TNS3: variants seen among roughly 807,000 people sequenced by gnomAD.
TNS3 encodes the protein tensin 3, also known as tensin-3.
In TNS3, 45 loss-of-function variants were observed where a neutral mutation model predicts 140.9. The observed-to-expected ratio is 0.32, with a 90% CI of 0.25 to 0.41. The LOEUF (loss-of-function observed/expected upper bound fraction) is 0.41, where lower values mean the gene tolerates loss of function less well. TNS3 is among the 10% of genes least tolerant of loss of function. The pLI is 1.00. For synonymous variants in TNS3, 815 were observed against 788.4 expected (o/e 1.03, Z -0.56); for missense variants, 1,716 against 1,906.7 (o/e 0.90, Z 1.86).
chr7:47,437,682 C>A (rs1465105538), intron 6 of TNS3, among the ~76,000 whole-genome samples: 1 of 147,110 alleles, frequency 6.8e-6, no homozygotes. Flanking sequence ...TTAAACCAGG[C>A]GATTTACTGT....
chr7:47,292,867 G>A lies in TNS3; in HGVS notation c.3811C>T (p.Pro1271Ser), dbSNP rs1476177142. 6.2e-7 allele frequency: 1 copy of A among 1,614,154 alleles called. No homozygotes were observed. ...AGCAGCTTGCACGGCAAGGCCAAGG[G>A]CGTGATGGAATGCTGGCACACCAAG... ...TALVCQHSIT[P>S]LALPCKLLIP... The change falls in exon 26 of 31, where the codon CCC becomes TCC. Residue 1271 changes from proline to serine, a missense_variant. Coordinates refer to ENST00000311160, the MANE Select transcript of TNS3 (RefSeq NM_022748.12).
At chr7:47,280,235 A>C (rs763254690) in intron 29 of TNS3, 45 bp from the exon 30 acceptor site, 11 of 1,613,964 alleles carry the variant, frequency 6.8e-6, no homozygotes, top group Admixed American at 1.7e-5. Flanking sequence ...TTTTAAACTA[A>C]AGGATAGAAT....
chr7:47,356,561 T>A (rs1382494182), intron 17 of TNS3, among the ~76,000 whole-genome samples: 1 of 152,180 alleles, frequency 6.6e-6, no homozygotes, highest in Non-Finnish European at 1.5e-5. Context: ...CAACCTCTGT[T>A]CTAAAAGAGA....
intron 10 of TNS3, 36 bp from the exon 11 acceptor site, chr7:47,415,242 G>C: frequency 6.7e-7 from 1 of 1,488,906 alleles, no homozygotes; most frequent in Non-Finnish European, 9.2e-7. Flanking sequence ...CTTCCCAGAA[G>C]TGTCTTCAGC....
chr7:47,344,620 A>G, intron 20 of TNS3, 135 bp downstream of exon 20: 1 of 849,084 alleles, frequency 1.2e-6, no homozygotes, highest in Non-Finnish European at 1.8e-6. Flanking sequence ...AGCAAGATCC[A>G]TCCTCATCCA....
intron 1 of TNS3, among the ~76,000 whole-genome samples, chr7:47,558,035 C>A (rs1160587687): frequency 1.3e-5 from 2 of 152,166 alleles, no homozygotes; most frequent in African/African-American, 4.8e-5. Context: ...CTGCACCACT[C>A]CCACCCCCAC....
At chr7:47,287,566 G>A (rs192112781) in intron 27 of TNS3, among the ~76,000 whole-genome samples, 7 of 152,252 alleles carry the variant, frequency 4.6e-5, no homozygotes, top group Middle Eastern at 3.4e-3. Flanking sequence ...TAATTCCACC[G>A]TCTTGCTACA....
At position 47,435,271 on chromosome 7, in the gene TNS3, G is replaced by T; in HGVS notation, c.324+11C>A. The stretch of plus-strand genomic sequence containing the variant: ...AGCCAGACCCCCAAATGTGAGAGGG[G>T]GCGCACTCACCCTGCAGTGAATGAC... On this transcript the variant is annotated intron_variant, in intron 8 of 30. Transcript: ENST00000311160. 1 of 1,613,614 alleles carries T rather than the reference G, an allele frequency of 6.2e-7. No individual in the cohort carries two copies. The highest frequency in any genetic ancestry group is 8.5e-7 in the Non-Finnish European group (1 of 1,179,932).
chr7:47,526,357 GCA>G (rs1799192761), intron 2 of TNS3, among the ~76,000 whole-genome samples: 1 of 152,230 alleles, frequency 6.6e-6, no homozygotes. Flanking sequence ...GATGTGTGGT[GCA>G]GAGGCTAACC....
In TNS3 at chr7:47,344,739, C is replaced by G. The variant is rs570032009; in HGVS notation, c.2650+16G>C. The G allele has an allele frequency of 1.9e-6, 3 of 1,608,426 alleles. No homozygotes were observed. In the East Asian group the frequency reaches 6.7e-5, roughly 36 times the overall value. ...CTGAGTGCCGCGCGCCTGTGACCCG[C>G]GGGTAGATTTCTTACCACGTCCTCC... is the stretch of plus-strand genomic sequence containing the variant. On this transcript the variant is annotated intron_variant, in intron 20 of 30. Transcript: ENST00000311160.
At chr7:47,431,186 C>T (rs756382887) in intron 8 of TNS3, among the ~76,000 whole-genome samples, 22 of 152,060 alleles carry the variant, frequency 1.4e-4, no homozygotes, top group Non-Finnish European at 2.6e-4. Context: ...TTGGGAGAAA[C>T]AAAAATTGAA....
chr7:47,328,140 C>G (rs1788128803), intron 20 of TNS3, among the ~76,000 whole-genome samples: 1 of 152,134 alleles, frequency 6.6e-6, no homozygotes, highest in African/African-American at 2.4e-5. Flanking sequence ...AGGCAGGGCT[C>G]TGTGTTCCGG....
Position 47,369,150 on chromosome 7 carries a change from G to C in TNS3, c.1496C>G (p.Ser499Trp), listed in dbSNP as rs370345227. 8 of 1,614,040 alleles carry C rather than the reference G, an allele frequency of 5.0e-6. No individual in the cohort carries two copies. Among genetic ancestry groups the C allele is most frequent in the Non-Finnish European group, 6.8e-6 (8 of 1,180,024 alleles). The change falls in exon 17 of 31, where the codon TCG becomes TGG. Residue 499 changes from serine (S) to tryptophan (W), a missense_variant. By Grantham distance (177) the Ser-to-Trp change is radical. Around this residue, in one of 3 missense-constraint regions of TNS3, gnomAD observed 1,163 missense variants for 1,182.1 expected, o/e 0.98. Coordinates refer to ENST00000311160, the MANE Select transcript of TNS3 (RefSeq NM_022748.12). ...CAGGTGGGCCGACTGAGGCCCTTCC[G>C]AGGAGGACAGGGTCCCAAGGCTGTC... is the stretch of plus-strand genomic sequence containing the variant. ...SVDSLGTLSS[S>W]EGPQSAHLGP... is the part of the protein sequence containing the mutation.
chr7:47,395,925 C>A (rs147824276), intron 16 of TNS3, among the ~76,000 whole-genome samples: 1 of 152,338 alleles, frequency 6.6e-6, no homozygotes, highest in Non-Finnish European at 1.5e-5. Flanking sequence ...CTGGGACACA[C>A]AATTGGTGTC....
At chr7:47,412,528 G>C (rs1793830864) in intron 12 of TNS3, among the ~76,000 whole-genome samples, 1 of 152,226 alleles carries the variant, frequency 6.6e-6, no homozygotes, top group African/African-American at 2.4e-5. Flanking sequence ...TGAAGCAGGA[G>C]AATCGCTTGA....
At chr7:47,282,583 C>G (rs1030274777) in intron 28 of TNS3, among the ~76,000 whole-genome samples, 2 of 152,196 alleles carry the variant, frequency 1.3e-5, no homozygotes, top group African/African-American at 4.8e-5. Context: ...CTGCGTGTGC[C>G]ACACAGGGCA....
At chr7:47,425,669 T>C (rs763418002) in intron 9 of TNS3, among the ~76,000 whole-genome samples, 1 of 152,190 alleles carries the variant, frequency 6.6e-6, no homozygotes, top group Non-Finnish European at 1.5e-5. Context: ...CATTCCTTTT[T>C]CTGAAATTTA....
intron 1 of TNS3, among the ~76,000 whole-genome samples, chr7:47,535,422 A>G (rs897163975): frequency 1.3e-5 from 2 of 152,218 alleles, no homozygotes; most frequent in African/African-American, 4.8e-5. Context: ...CATTTAGGAT[A>G]GTGTAATAAC....
chr7:47,417,456 T>C (rs775497200), intron 10 of TNS3, among the ~76,000 whole-genome samples: 6 of 152,160 alleles, frequency 3.9e-5, no homozygotes, highest in African/African-American at 1.4e-4. Context: ...ACAAGCCCAG[T>C]AGTGGTCAGA....
Sources: allele counts gnomAD v4.1 joint callset (sites outside exome capture counted in the v4.1 genomes callset), GRCh38; gene constraint gnomAD v4.1.1; regional missense constraint gnomAD v4.1.1; transcripts MANE v1.5; gene names NCBI Gene and HGNC (gene_info 2026-07-23, HGNC 2026-07-21).